Variants in ARHGAP28 observed in about 807,000 individuals in gnomAD.
The protein encoded by ARHGAP28 is Rho GTPase activating protein 28, also known as rho GTPase-activating protein 28.
Under a neutral mutation model 90.7 loss-of-function variants are expected in ARHGAP28, and 56 were observed. The ratio of observed to expected loss-of-function variants is 0.62; its 90% CI spans 0.50 to 0.77. ARHGAP28 has a LOEUF of 0.77. Ranked by LOEUF, ARHGAP28 falls within the 30% of genes least tolerant of loss-of-function variation. ARHGAP28 has a pLI of 0.00. For missense variants in ARHGAP28, 869 were observed against 900.9 expected (o/e 0.96, Z 0.45); for synonymous variants, 308 against 323.3 (o/e 0.95, Z 0.51).
intron 2 of ARHGAP28, among the ~76,000 whole-genome samples, chr18:6,829,605 T>G (rs983924198): frequency 6.6e-6 from 1 of 152,210 alleles, no homozygotes; most frequent in South Asian, 2.1e-4. Flanking sequence ...CTGATCAAGA[T>G]AGATAACATT....
At chr18:6,834,604 A>G (rs2056739028) in intron 2 of ARHGAP28, 1 of 152,204 alleles carries the variant, frequency 6.6e-6, no homozygotes, top group Non-Finnish European at 1.5e-5. Flanking sequence ...TAGTTATAAT[A>G]TGGATAATAG....
intron 1 of ARHGAP28, among the ~76,000 whole-genome samples, chr18:6,736,365 T>TA (rs1473506654): frequency 6.6e-6 from 1 of 152,130 alleles, no homozygotes; most frequent in Non-Finnish European, 1.5e-5. Flanking sequence ...TGGTCTGACT[T>TA]TATGAAAGCT....
At chr18:6,870,877 T>C (rs186085405) in intron 7 of ARHGAP28, 145 bp downstream of exon 7, 121 of 785,712 alleles carry the variant, frequency 1.5e-4, no homozygotes, top group South Asian at 5.8e-5. Flanking sequence ...CTCGGCTCAC[T>C]GCAAGCTCTG....
intron 1 of ARHGAP28, among the ~76,000 whole-genome samples, chr18:6,760,160 G>C (rs2056147141): frequency 6.6e-6 from 1 of 152,188 alleles, no homozygotes; most frequent in Non-Finnish European, 1.5e-5. Flanking sequence ...GCAGCGAACA[G>C]ATAGGTTTTT....
At chr18:6,741,013 A>G (rs1264084727) in intron 1 of ARHGAP28, among the ~76,000 whole-genome samples, 2 of 152,188 alleles carry the variant, frequency 1.3e-5, no homozygotes, top group Admixed American at 1.3e-4. Flanking sequence ...CTGACTGGGT[A>G]TGGAGCTAGA....
intron 1 of ARHGAP28, among the ~76,000 whole-genome samples, chr18:6,775,919 A>G (rs938590905): frequency 5.3e-4 from 81 of 152,314 alleles, no homozygotes; most frequent in African/African-American, 1.2e-3. Context: ...TTAACAAGGT[A>G]GGGCTCATGT....
In ARHGAP28 at chr18:6,802,335, C is replaced by CTTTTTTTT. The variant is rs35950139; in HGVS notation, c.123-22406_123-22399dup. On this transcript the variant is annotated intron_variant, in intron 1 of 17. Transcript: ENST00000383472. ...GGATCATATGGATCATATGGTAGTT[C>CTTTTTTTT]TTTTTTTTTTTTTTTTTTTTTTTTT... is the stretch of plus-strand genomic sequence containing the variant. Among the ~76,000 whole-genome samples the CTTTTTTTT allele has an allele frequency of 1.3e-3, 67 of 52,760 alleles. 11 individuals carry two copies. The highest frequency in any genetic ancestry group is 1.5e-3 in the Non-Finnish European group (41 of 28,044). The allele number at this position is 52,760 out of a possible 152,430, so 34.6% of individuals were successfully genotyped here. A position where few individuals can be genotyped will look rare whatever the true frequency, so the allele number is the denominator to read the frequency against.
intron 1 of ARHGAP28, among the ~76,000 whole-genome samples, chr18:6,757,783 T>C (rs2143304446): frequency 6.6e-6 from 1 of 152,274 alleles, no homozygotes; most frequent in South Asian, 2.1e-4. Context: ...TCTTTAAAAA[T>C]CTGGTGGAGT....
intron 2 of ARHGAP28, among the ~76,000 whole-genome samples, chr18:6,833,089 T>C (rs891824323): frequency 2.6e-5 from 4 of 152,108 alleles, no homozygotes; most frequent in Non-Finnish European, 2.9e-5. Context: ...TATGTACTTA[T>C]ATTCTTTTAA....
rs776248494 is a variant in ARHGAP28, at chr18:6,887,219, G to GCAGCT, written c.1517_1518insAGCTC (p.Asn507AlafsTer11). ...CCTCATGGTCATGGCGCTGCCTGATGCCAACAGAGATGCAGCTCAGGTACG... is the reference window on the plus strand; with the variant it reads ...CCTCATGGTCATGGCGCTGCCTGATGCAGCTCCAACAGAGATGCAGCTCAGGTACG... On this transcript the variant is annotated frameshift_variant, in exon 12 of 18. Transcript: ENST00000383472. LOFTEE classifies it high-confidence loss of function. The GCAGCT allele has an allele frequency of 1.2e-6, 2 of 1,614,018 alleles. No homozygotes were observed. Among genetic ancestry groups the GCAGCT allele is most frequent in the African/African-American group, 1.3e-5 (1 of 74,904 alleles).
At chr18:6,905,599 G>A (rs2057360997) in intron 16 of ARHGAP28, among the ~76,000 whole-genome samples, 1 of 151,946 alleles carries the variant, frequency 6.6e-6, no homozygotes, top group Non-Finnish European at 1.5e-5. Flanking sequence ...TATAAAGGAA[G>A]GAATAAAAGT....
intron 15 of ARHGAP28, among the ~76,000 whole-genome samples, chr18:6,895,759 C>T (rs2057300175): frequency 6.6e-6 from 1 of 152,116 alleles, no homozygotes; most frequent in Non-Finnish European, 1.5e-5. Context: ...GACCTATTTC[C>T]AAATAAGGTC....
intron 2 of ARHGAP28, among the ~76,000 whole-genome samples, chr18:6,826,939 AC>A (rs1360394200): frequency 1.8e-4 from 27 of 152,172 alleles, no homozygotes; most frequent in Admixed American, 1.8e-3. Context: ...CACATCTTGC[AC>A]CACCCTTAAT....
intron 4 of ARHGAP28, among the ~76,000 whole-genome samples, chr18:6,852,197 C>G (rs1276331595): frequency 1.3e-5 from 2 of 152,158 alleles, no homozygotes; most frequent in African/African-American, 2.4e-5. Flanking sequence ...TGACCTTTGA[C>G]TCTAATCACA....
At position 6,912,698 on chromosome 18, in the gene ARHGAP28, G is replaced by A. The variant is rs2057405413; in HGVS notation, c.*544G>A. 2.0e-5 allele frequency: 3 copies of A among 152,178 alleles called. No homozygotes were observed. The highest frequency in any genetic ancestry group is 1.3e-4 in the Admixed American group (2 of 15,276). The allele number at this position is 152,178 out of a possible 1,614,324, so 9.4% of individuals were successfully genotyped here. A position where few individuals can be genotyped will look rare whatever the true frequency, so the allele number is the denominator to read the frequency against. On this transcript the variant is annotated 3_prime_UTR_variant, in exon 18 of 18. Transcript: ENST00000383472. ...TTATGCTCTGACTGACTCCTGAATTGGAAGAGGAAGAACTTCTGTTTACAG... is the reference window on the plus strand; with the variant it reads ...TTATGCTCTGACTGACTCCTGAATTAGAAGAGGAAGAACTTCTGTTTACAG...
intron 4 of ARHGAP28, among the ~76,000 whole-genome samples, chr18:6,852,538 T>G (rs985603983): frequency 6.6e-6 from 1 of 152,216 alleles, no homozygotes; most frequent in East Asian, 1.9e-4. Flanking sequence ...GGAACTTAAT[T>G]TTAAGCAAGT....
intron 1 of ARHGAP28, among the ~76,000 whole-genome samples, chr18:6,811,812 T>A (rs2056559050): frequency 6.6e-6 from 1 of 152,178 alleles, no homozygotes; most frequent in African/African-American, 2.4e-5. Flanking sequence ...AATAGCCATA[T>A]GTAATATTCA....
intron 1 of ARHGAP28, chr18:6,730,219 G>GTTTA: frequency 6.5e-6 from 1 of 153,736 alleles, no homozygotes. Flanking sequence ...GATAAGTCAT[G>GTTTA]TGTATATATA....
intron 4 of ARHGAP28, among the ~76,000 whole-genome samples, chr18:6,855,803 A>C (rs926428139): frequency 6.6e-6 from 1 of 152,198 alleles, no homozygotes; most frequent in African/African-American, 2.4e-5. Flanking sequence ...TGGTGCCCAC[A>C]GTGGAAGCCA....
Sources: allele counts gnomAD v4.1 joint callset (sites outside exome capture counted in the v4.1 genomes callset), GRCh38; gene constraint gnomAD v4.1.1; transcripts MANE v1.5; gene names NCBI Gene and HGNC (gene_info 2026-07-23, HGNC 2026-07-21).